Variants in KIFAP3 observed in about 807,000 individuals in gnomAD.
KIFAP3 encodes the protein kinesin associated protein 3, also known as kinesin-associated protein 3.
In KIFAP3, 68 loss-of-function variants were observed where a neutral mutation model predicts 106.5. The ratio of observed to expected loss-of-function variants is 0.64; its 90% CI spans 0.53 to 0.78. The LOEUF (loss-of-function observed/expected upper bound fraction) is 0.78. KIFAP3 is among the 30% of genes least tolerant of loss of function. The pLI, the probability that KIFAP3 is intolerant of heterozygous loss-of-function variation, is 0.00. For missense variants in KIFAP3, 780 were observed against 941.8 expected (o/e 0.83, Z 2.25); for synonymous variants, 320 against 311.5 (o/e 1.03, Z -0.29).
intron 9 of KIFAP3, among the ~76,000 whole-genome samples, chr1:170,017,336 A>G (rs1668576205): frequency 6.6e-6 from 1 of 151,840 alleles, no homozygotes; most frequent in Admixed American, 6.6e-5. Flanking sequence ...AATGAATACA[A>G]TGCTCTGAAA....
intron 1 of KIFAP3, among the ~76,000 whole-genome samples, chr1:170,081,512 C>T (rs1672020309): frequency 6.6e-6 from 1 of 152,274 alleles, no homozygotes; most frequent in Non-Finnish European, 1.5e-5. Flanking sequence ...TTTCTGGATG[C>T]TTTAGAATAG....
At position 169,992,199 on chromosome 1, in the gene KIFAP3, C is replaced by A; in HGVS notation, c.1240G>T (p.Asp414Tyr). ...TATGCAAACATTGATTTAAAGCGGT[C>A]ATCCATGCTTATGTGGTAAAGAACA... is the stretch of plus-strand genomic sequence containing the variant. ...MCVLYHISMD[D>Y]RFKSMFAYTD... Residue 414 changes from aspartate to tyrosine, a missense_variant, in exon 11 of 20, where the codon GAC becomes TAC. Physicochemically the swap from Asp to Tyr is radical, Grantham distance 160 (BLOSUM62 -3). This residue lies in a region of KIFAP3 where 588 missense variants were observed against 678.9 expected (regional missense o/e 0.87). Coordinates refer to ENST00000361580, the MANE Select transcript of KIFAP3 (RefSeq NM_014970.4). 6.3e-7 allele frequency: 1 copy of A among 1,585,024 alleles called. No homozygotes were observed. The highest frequency in any genetic ancestry group is 1.2e-5 in the South Asian group (1 of 85,912).
chr1:170,003,692 A>G (rs1667785374), intron 10 of KIFAP3, among the ~76,000 whole-genome samples: 1 of 152,154 alleles, frequency 6.6e-6, no homozygotes, highest in Non-Finnish European at 1.5e-5. Flanking sequence ...ACCCAGTTCG[A>G]GCTTGATGGG....
Position 169,921,519 on chromosome 1 carries a change from G to C in KIFAP3, c.*157C>G. On this transcript the variant is annotated 3_prime_UTR_variant, in exon 20 of 20. Coordinates refer to ENST00000361580, the MANE Select transcript of KIFAP3 (RefSeq NM_014970.4). ...TCAACTGTACTTAACAGAAGACAGA[G>C]GGGCTGGGGTTAATCTGCAGCTAAC... The C allele has an allele frequency of 1.7e-6, 1 of 574,630 alleles. No individual in the cohort carries two copies. Among genetic ancestry groups the C allele is most frequent in the Non-Finnish European group, 3.1e-6 (1 of 321,084 alleles). The allele number at this position is 574,630 out of a possible 1,614,324, so 35.6% of individuals were successfully genotyped here.
intron 17 of KIFAP3, among the ~76,000 whole-genome samples, chr1:169,967,613 C>T (rs1400730503): frequency 1.3e-5 from 2 of 151,804 alleles, no homozygotes; most frequent in Non-Finnish European, 3.0e-5. Context: ...CTCTTGGTCT[C>T]AGATTCTTCA....
chr1:170,039,667 A>C (rs1669874467), intron 3 of KIFAP3, among the ~76,000 whole-genome samples: 1 of 152,148 alleles, frequency 6.6e-6, no homozygotes, highest in Non-Finnish European at 1.5e-5. Flanking sequence ...AGAAAAAAGT[A>C]CGACTTGAGT....
At chr1:169,964,359 C>T (rs988254793) in intron 17 of KIFAP3, among the ~76,000 whole-genome samples, 2 of 152,266 alleles carry the variant, frequency 1.3e-5, no homozygotes, top group Non-Finnish European at 1.5e-5. Flanking sequence ...GTGGCTACTA[C>T]AGCACTGTAA....
chr1:170,046,806 A>C lies in KIFAP3; in HGVS notation c.225T>G (p.Val75=), dbSNP rs774008972. 1.9e-6 allele frequency: 3 copies of C among 1,611,166 alleles called. No individual in the cohort carries two copies. The highest frequency in any genetic ancestry group is 1.3e-5 in the African/African-American group (1 of 74,802). ...AAGGATGAATGAGTTTACATTCTTC[A>C]ACCACCTTCCTTGCCAGGGAAGTTA... ...TDITSLARKV[V]EECKLIHPSK... Residue 75 remains valine (V), a synonymous_variant, in exon 3 of 20, where the codon GTT becomes GTG. Coordinates refer to ENST00000361580, the MANE Select transcript of KIFAP3 (RefSeq NM_014970.4).
At chr1:169,964,929 T>C in intron 17 of KIFAP3, among the ~76,000 whole-genome samples, 1 of 152,156 alleles carries the variant, frequency 6.6e-6, no homozygotes, top group East Asian at 1.9e-4. Context: ...GATACTGTCA[T>C]ATTAGAAATG....
chr1:169,980,823 C>A (rs951518861), intron 15 of KIFAP3, among the ~76,000 whole-genome samples: 4 of 152,082 alleles, frequency 2.6e-5, no homozygotes, highest in Non-Finnish European at 4.4e-5. Flanking sequence ...GTGATATAGC[C>A]GGGCACAGTG....
At chr1:170,074,741 T>C (rs545649705), upstream of KIFAP3, 29 of 1,335,506 alleles carry the variant, frequency 2.2e-5, no homozygotes, top group Admixed American at 3.1e-4. Flanking sequence ...ACCTCTTGTA[T>C]GCGCAGGCTC....
chr1:169,991,166 C>G (rs1667080355), intron 11 of KIFAP3, among the ~76,000 whole-genome samples: 1 of 151,660 alleles, frequency 6.6e-6, no homozygotes, highest in South Asian at 2.1e-4. Context: ...AAAGCCAGAC[C>G]CTGTCTGTAT....
rs746163682 is a variant in KIFAP3, at chr1:170,055,334, C to T, written c.135G>A (p.Met45Ile). Residue 45 changes from methionine (M) to isoleucine (I), a missense_variant, in exon 2 of 20, where the codon ATG becomes ATA. Met to Ile is a conservative substitution (Grantham distance 10). Transcript: ENST00000361580. ...ATILGEMGDP[M>I]LGERKECQKI... ...TTTGACATTCTTTTCGTTCTCCCAACATGGGGTCCCCCATTTCTCCAAGAA... is the reference window on the plus strand; with the variant it reads ...TTTGACATTCTTTTCGTTCTCCCAATATGGGGTCCCCCATTTCTCCAAGAA... 1.9e-6 allele frequency: 3 copies of T among 1,605,320 alleles called. No individual in the cohort carries two copies. In the East Asian group the frequency reaches 6.7e-5, roughly 36 times the overall value.
intron 16 of KIFAP3, among the ~76,000 whole-genome samples, chr1:169,975,210 T>C (rs1279182493): frequency 6.6e-6 from 1 of 152,124 alleles, no homozygotes; most frequent in South Asian, 2.1e-4. Context: ...ATACTGCAGT[T>C]GTTGAGATCA....
chr1:170,064,277 T>C (rs187687368), intron 1 of KIFAP3, among the ~76,000 whole-genome samples: 144 of 152,346 alleles, frequency 9.5e-4, no homozygotes, highest in African/African-American at 3.1e-3. Context: ...CCTGGTGAAA[T>C]GTTGAGGTGG....
upstream of KIFAP3, among the ~76,000 whole-genome samples, chr1:170,076,843 A>G (rs1671928789): frequency 2.0e-5 from 3 of 152,248 alleles, no homozygotes; most frequent in South Asian, 6.2e-4. Flanking sequence ...ATTTCTTTAT[A>G]ATTCTAAAGG....
At chr1:170,071,164 A>G (rs1671687703) in intron 1 of KIFAP3, among the ~76,000 whole-genome samples, 1 of 152,214 alleles carries the variant, frequency 6.6e-6, no homozygotes, top group Admixed American at 6.5e-5. Flanking sequence ...GTCACTAGGG[A>G]AAACACTTTA....
chr1:170,056,509 C>T (rs1670860262), intron 1 of KIFAP3, among the ~76,000 whole-genome samples: 1 of 152,162 alleles, frequency 6.6e-6, no homozygotes, highest in Non-Finnish European at 1.5e-5. Flanking sequence ...CAGAAACAAG[C>T]AAAATCTCTC....
chr1:170,046,923 C>T (rs1170365442), intron 2 of KIFAP3, 57 bp from the exon 3 acceptor site: 1 of 992,346 alleles, frequency 1.0e-6, no homozygotes, highest in African/African-American at 1.7e-5. Context: ...AACTTCAATA[C>T]TACTACTTTA....
Sources: gnomAD v4.1 joint callset for allele counts (sites outside exome capture counted in the v4.1 genomes callset) on GRCh38, gnomAD v4.1.1 for gene constraint, gnomAD v4.1.1 regional missense constraint, MANE v1.5 for transcripts, NCBI Gene and HGNC (gene_info 2026-07-23, HGNC 2026-07-21) for gene names.